Variants in ROBO2 observed in about 807,000 individuals in gnomAD.
The protein encoded by ROBO2 is roundabout guidance receptor 2, also known as roundabout homolog 2.
ROBO2 carries 53 observed loss-of-function variants against 160.8 expected under a neutral mutation model. That is an observed-to-expected ratio of 0.33 (90% CI 0.26 to 0.41). ROBO2 has a LOEUF of 0.41. Among genes scored for constraint, ROBO2 ranks in the 10% least tolerant of loss-of-function variants. The pLI is 1.00. For synonymous variants in ROBO2, 664 were observed against 611.7 expected, an observed-to-expected ratio of 1.09 and a Z score of -1.26; for missense variants, 1,577 against 1,722.4, an observed-to-expected ratio of 0.92 and a Z score of 1.49.
chr3:77,619,380 A>G (rs1559741921), intron 22 of ROBO2, among the ~76,000 whole-genome samples: 1 of 152,162 alleles, frequency 6.6e-6, no homozygotes, highest in East Asian at 1.9e-4. Context: ...TCACCAAAAG[A>G]TTTTACACTC....
At chr3:76,489,932 C>T (rs2079723281) in intron 2 of ROBO2, among the ~76,000 whole-genome samples, 1 of 152,030 alleles carries the variant, frequency 6.6e-6, no homozygotes, top group Admixed American at 6.5e-5. Flanking sequence ...AAAATGAACA[C>T]ATTAGGACAT....
At chr3:77,425,531 C>T (rs951624192) in intron 2 of ROBO2, among the ~76,000 whole-genome samples, 14 of 151,984 alleles carry the variant, frequency 9.2e-5, no homozygotes, top group African/African-American at 3.1e-4. Flanking sequence ...GGAGGTGGAA[C>T]TGTATATGCA....
At chr3:77,497,294 A>G (rs1480388210) in intron 5 of ROBO2, among the ~76,000 whole-genome samples, 3 of 152,142 alleles carry the variant, frequency 2.0e-5, no homozygotes, top group Admixed American at 2.0e-4. Context: ...CATAACACTA[A>G]CGTGAGAATA....
At chr3:76,115,946 A>C (rs752709764) in intron 2 of ROBO2, among the ~76,000 whole-genome samples, 10 of 152,156 alleles carry the variant, frequency 6.6e-5, no homozygotes, top group Non-Finnish European at 1.0e-4. Flanking sequence ...TTGGAAACTC[A>C]CAAAATTTAA....
intron 2 of ROBO2, among the ~76,000 whole-genome samples, chr3:76,161,468 G>T (rs2072636355): frequency 6.6e-6 from 1 of 152,118 alleles, no homozygotes; most frequent in East Asian, 1.9e-4. Context: ...ATATCTGAAT[G>T]TGAGCTAAAA....
chr3:76,573,460 G>T (rs969720517), intron 2 of ROBO2, among the ~76,000 whole-genome samples: 5 of 150,134 alleles, frequency 3.3e-5, no homozygotes, highest in Admixed American at 2.0e-4. Context: ...AAAGTTTCAT[G>T]TTAATTTTGT....
chr3:77,630,622 A>G (rs185081829), intron 23 of ROBO2: 1 of 152,216 alleles, frequency 6.6e-6, no homozygotes, highest in East Asian at 1.9e-4. Flanking sequence ...TTTAATTAGA[A>G]GTTTAGATAT....
At chr3:76,581,886 G>T (rs2085726139) in intron 2 of ROBO2, among the ~76,000 whole-genome samples, 1 of 152,112 alleles carries the variant, frequency 6.6e-6, no homozygotes, top group Non-Finnish European at 1.5e-5. Context: ...CAGGACATTT[G>T]TCTCTAATTT....
intron 8 of ROBO2, among the ~76,000 whole-genome samples, chr3:77,554,077 G>A (rs2093023719): frequency 6.6e-6 from 1 of 151,904 alleles, no homozygotes; most frequent in African/African-American, 2.4e-5. Context: ...TGCAGTTGGT[G>A]ACTTTAGGTT....
At chr3:76,647,633 T>G (rs981401083) in intron 2 of ROBO2, among the ~76,000 whole-genome samples, 2 of 152,178 alleles carry the variant, frequency 1.3e-5, no homozygotes, top group Admixed American at 1.3e-4. Context: ...TGTGTATGAT[T>G]GCGGACTTAA....
chr3:76,657,688 G>A (rs559291310), intron 2 of ROBO2, among the ~76,000 whole-genome samples: 1 of 141,732 alleles, frequency 7.1e-6, no homozygotes, highest in East Asian at 2.0e-4. Context: ...ACATATATGT[G>A]TGTATATATA....
At chr3:77,542,244 A>G (rs932336913) in intron 6 of ROBO2, among the ~76,000 whole-genome samples, 2 of 152,192 alleles carry the variant, frequency 1.3e-5, no homozygotes, top group Non-Finnish European at 2.9e-5. Context: ...GGGCAGACAG[A>G]GAGTCTACAA....
chr3:77,193,777 C>G (rs1028276846), intron 2 of ROBO2, among the ~76,000 whole-genome samples: 2 of 152,016 alleles, frequency 1.3e-5, no homozygotes, highest in African/African-American at 4.8e-5. Context: ...TGCAAAACCC[C>G]TGATGTTTCT....
intron 12 of ROBO2, 61 bp downstream of exon 13, chr3:77,565,181 G>A: frequency 2.5e-6 from 4 of 1,569,776 alleles, no homozygotes; most frequent in Middle Eastern, 1.7e-4. Context: ...ATTTAAGAAC[G>A]AGGGGCTTGA....
intron 2 of ROBO2, among the ~76,000 whole-genome samples, chr3:76,829,042 A>C (rs907992346): frequency 1.3e-5 from 2 of 151,986 alleles, no homozygotes; most frequent in Non-Finnish European, 2.9e-5. Flanking sequence ...TGCCCTTTAC[A>C]GTTCAGCATC....
intron 2 of ROBO2, among the ~76,000 whole-genome samples, chr3:76,075,779 A>G (rs2068628085): frequency 6.6e-6 from 1 of 152,210 alleles, no homozygotes; most frequent in African/African-American, 2.4e-5. Flanking sequence ...CGTTAGTGCC[A>G]GGAAATTTGT....
rs187478299 is a variant in ROBO2, at chr3:77,219,436, A to G, written c.388+121096A>G. Among the ~76,000 whole-genome samples, 1,046 of 104,652 alleles carry G rather than the reference A, an allele frequency of 1.0e-2. 6 individuals carry two copies. Among genetic ancestry groups the G allele is most frequent in the African/African-American group, 0.012 (246 of 20,828 alleles). 68.7% of individuals were successfully genotyped at this position (104,652 alleles called of 152,430 possible). On this transcript the variant is annotated intron_variant, in intron 2 of 25. Transcript: ENST00000461745. ...ATCTTGACTGTGTGTATGTGTGTGT[A>G]TATATATATATATATATATATATGT... is the stretch of plus-strand genomic sequence containing the variant.
chr3:77,058,297 G>A lies in ROBO2; in HGVS notation c.61+17451G>A, dbSNP rs1331206350. ...GAAAAGTATAATACACTAATGTTTA[G>A]TTACCTGGAAAGTTCCAGCTAAATA... is the stretch of plus-strand genomic sequence containing the variant. On this transcript the variant is annotated intron_variant, in intron 1 of 25. Coordinates refer to ENST00000461745, the Ensembl canonical transcript of ROBO2. 2.0e-5 allele frequency among the ~76,000 whole-genome samples: 3 copies of A among 152,202 alleles called. 1 individual carries two copies. Among genetic ancestry groups the A allele is most frequent in the South Asian group, 4.1e-4 (2 of 4,830 alleles).
At chr3:77,529,685 C>T (rs1415557084) in intron 6 of ROBO2, among the ~76,000 whole-genome samples, 4 of 151,730 alleles carry the variant, frequency 2.6e-5, no homozygotes, top group African/African-American at 7.3e-5. Flanking sequence ...TTTTTATTCC[C>T]GTTTGAAATG....
Sources: gnomAD v4.1 joint callset for allele counts (sites outside exome capture counted in the v4.1 genomes callset) on GRCh38, gnomAD v4.1.1 for gene constraint, MANE v1.5 for transcripts, NCBI Gene and HGNC (gene_info 2026-07-23, HGNC 2026-07-21) for gene names.